The following SPATA13 variants were observed in gnomAD, a reference collection of about 807,000 sequenced individuals.
SPATA13 encodes spermatogenesis associated 13, also known as spermatogenesis-associated protein 13.
In SPATA13, 50 loss-of-function variants were observed where a neutral mutation model predicts 104.0. The observed-to-expected ratio is 0.48, with a 90% CI of 0.38 to 0.61. The LOEUF is 0.61. Among genes scored for constraint, SPATA13 ranks in the 20% least tolerant of loss-of-function variants. The pLI is 0.00. For missense variants in SPATA13, 1,524 were observed against 1,690.6 expected (o/e 0.90, Z 1.73); for synonymous variants, 606 against 667.5 (o/e 0.91, Z 1.42).
At chr13:23,980,230 C>G (rs1035841639) in intron 1 of SPATA13, among the ~76,000 whole-genome samples, 2 of 152,058 alleles carry the variant, frequency 1.3e-5, no homozygotes, top group African/African-American at 2.4e-5. Flanking sequence ...CCAGCAGGCT[C>G]AAGGGGTGAG....
At chr13:24,239,222 A>G (rs1216385390) in intron 2 of SPATA13, among the ~76,000 whole-genome samples, 2 of 152,204 alleles carry the variant, frequency 1.3e-5, no homozygotes, top group Non-Finnish European at 2.9e-5. Flanking sequence ...AGAATGGCGT[A>G]GGATTTCAGG....
At chr13:24,029,344 T>G (rs1001625055) in intron 3 of SPATA13, among the ~76,000 whole-genome samples, 3 of 151,102 alleles carry the variant, frequency 2.0e-5, no homozygotes, top group Non-Finnish European at 4.4e-5. Context: ...ATCTATTTAA[T>G]ATAAACATTT....
rs574533051 is a variant in SPATA13 at position 24,269,209 on chromosome 13, C to T, written c.2165-14926C>T. On this transcript the variant is annotated intron_variant, in intron 4 of 12. Coordinates refer to ENST00000382108, the MANE Select transcript of SPATA13 (RefSeq NM_001166271.3). ...ATTGGTGCTGCAGTTATCCCCACTC[C>T]GCAGATGTGGAAAGAGAGCTGCCTA... Among the ~76,000 whole-genome samples the T allele has an allele frequency of 9.2e-5, 14 of 152,250 alleles. No individual in the cohort carries two copies. In the South Asian group the frequency reaches 1.5e-3, roughly 16 times the overall value.
chr13:24,093,518 C>T (rs771998855), intron 3 of SPATA13, among the ~76,000 whole-genome samples: 9 of 152,206 alleles, frequency 5.9e-5, no homozygotes, highest in Non-Finnish European at 8.8e-5. Flanking sequence ...AGTTCAGGCA[C>T]GTTTCTGATA....
At chr13:24,278,873 T>TTTCC (rs55973344) in intron 4 of SPATA13, 54,906 of 1,110,384 alleles carry the variant, frequency 0.049, 3,712 homozygotes, top group East Asian at 0.086. Context: ...GCTGTTTTTC[T>TTTCC]TTCCTTCCTT....
At chr13:24,133,961 G>A (rs1881471343) in intron 3 of SPATA13, among the ~76,000 whole-genome samples, 1 of 152,212 alleles carries the variant, frequency 6.6e-6, no homozygotes, top group Non-Finnish European at 1.5e-5. Context: ...TCCTGTCTGA[G>A]GAGGGGGCTG....
chr13:23,984,891 A>G (rs542204428), intron 2 of SPATA13, among the ~76,000 whole-genome samples: 22 of 152,356 alleles, frequency 1.4e-4, no homozygotes, highest in African/African-American at 5.3e-4. Flanking sequence ...AAGTCCCTGC[A>G]AGGTAGAATG....
At chr13:23,995,025 G>A (rs1413887749) in intron 2 of SPATA13, among the ~76,000 whole-genome samples, 3 of 152,136 alleles carry the variant, frequency 2.0e-5, no homozygotes, top group South Asian at 2.1e-4. Flanking sequence ...GTGTGATGCT[G>A]TTCCTGACGT....
chr13:24,098,939 A>AG (rs1421293591), intron 3 of SPATA13, among the ~76,000 whole-genome samples: 35 of 151,824 alleles, frequency 2.3e-4, no homozygotes, highest in African/African-American at 8.2e-4. Flanking sequence ...AAAAAAAAAA[A>AG]AAAGAAAAAA....
intron 2 of SPATA13, among the ~76,000 whole-genome samples, chr13:24,016,186 A>G (rs1876705609): frequency 6.6e-6 from 1 of 151,900 alleles, no homozygotes; most frequent in Admixed American, 6.6e-5. Flanking sequence ...TTGTCCTTCA[A>G]CCCCACTCCT....
chr13:24,071,211 G>A (rs1879151233), intron 3 of SPATA13, among the ~76,000 whole-genome samples: 1 of 152,146 alleles, frequency 6.6e-6, no homozygotes, highest in Non-Finnish European at 1.5e-5. Context: ...CATCTCAGTG[G>A]AGTCACCTGA....
chr13:24,212,018 A>G (rs1308666745), intron 1 of SPATA13, among the ~76,000 whole-genome samples: 4 of 152,050 alleles, frequency 2.6e-5, no homozygotes, highest in Admixed American at 6.5e-5. Context: ...CCATTCCCCT[A>G]CTAGTGTGTC....
chr13:24,181,867 C>A (rs1868836770), intron 1 of SPATA13, among the ~76,000 whole-genome samples: 1 of 151,296 alleles, frequency 6.6e-6, no homozygotes, highest in African/African-American at 2.4e-5. Flanking sequence ...ATAATCCCAG[C>A]ACTTTGGGAG....
rs182124948 is a variant in SPATA13, at chr13:24,047,218, C to T, written c.-112+29517C>T. On this transcript the variant is annotated intron_variant, in intron 3 of 14. Transcript: ENST00000424834. ...CTGAAAAACATCTCAGAATAACAAT[C>T]TTAGGCAATATAAAAGTAGTGTTAT... Among the ~76,000 whole-genome samples, 484 of 152,262 alleles carry T rather than the reference C, an allele frequency of 3.2e-3. 1 individual carries two copies. The highest frequency in any genetic ancestry group is 5.6e-3 in the Non-Finnish European group (379 of 68,024).
intron 2 of SPATA13, among the ~76,000 whole-genome samples, chr13:24,231,181 T>C (rs1872251866): frequency 6.6e-6 from 1 of 152,176 alleles, no homozygotes; most frequent in Non-Finnish European, 1.5e-5. Flanking sequence ...TTTATATGTT[T>C]ATGGAGCTCT....
chr13:24,054,651 G>A (rs1263082882), intron 3 of SPATA13, among the ~76,000 whole-genome samples: 2 of 152,184 alleles, frequency 1.3e-5, no homozygotes, highest in African/African-American at 4.8e-5. Flanking sequence ...GAGTACAGAA[G>A]AGAAAATATG....
chr13:24,098,651 G>A (rs907500287), intron 3 of SPATA13, among the ~76,000 whole-genome samples: 5 of 151,074 alleles, frequency 3.3e-5, no homozygotes, highest in African/African-American at 7.3e-5. Flanking sequence ...AGAAAGGGCC[G>A]GATGTGGTGG....
intron 3 of SPATA13, among the ~76,000 whole-genome samples, chr13:24,026,325 C>T (rs1004797194): frequency 6.6e-6 from 1 of 152,122 alleles, no homozygotes; most frequent in Non-Finnish European, 1.5e-5. Context: ...TTGTGTTCTT[C>T]ACATGAAGAG....
intron 1 of SPATA13, among the ~76,000 whole-genome samples, chr13:24,207,994 CAT>C (rs1191056334): frequency 6.6e-6 from 1 of 152,202 alleles, no homozygotes; most frequent in African/African-American, 2.4e-5. Context: ...TCCTCCACCT[CAT>C]GTGTAATTAG....
Sources: allele counts gnomAD v4.1 joint callset (sites outside exome capture counted in the v4.1 genomes callset), GRCh38; gene constraint gnomAD v4.1.1; transcripts MANE v1.5; gene names NCBI Gene and HGNC (gene_info 2026-07-23, HGNC 2026-07-21).